The following DIAPH3 variants were observed in gnomAD, a reference collection of about 807,000 sequenced individuals.
The protein encoded by DIAPH3 is diaphanous related formin 3, also known as protein diaphanous homolog 3.
DIAPH3 carries 117 observed loss-of-function variants against 144.3 expected under a neutral mutation model. That is an observed-to-expected ratio of 0.81 (90% CI 0.70 to 0.95). The LOEUF (loss-of-function observed/expected upper bound fraction) is 0.95. Ranked by LOEUF, DIAPH3 falls within the 40% of genes least tolerant of loss-of-function variation. The probability of loss-of-function intolerance (pLI) is 0.00; values close to 1 mark genes in which losing one functional copy is unlikely to be tolerated. For missense variants in DIAPH3, 1,421 were observed against 1,412.7 expected, an observed-to-expected ratio of 1.01 and a Z score of -0.09; for synonymous variants, 519 against 488.9, an observed-to-expected ratio of 1.06 and a Z score of -0.81.
At chr13:59,996,755 C>A (rs1348913516) in intron 9 of DIAPH3, among the ~76,000 whole-genome samples, 2 of 151,946 alleles carry the variant, frequency 1.3e-5, no homozygotes, top group African/African-American at 4.8e-5. Flanking sequence ...GAGTCAAAGG[C>A]CATCTTAAGA....
chr13:60,087,684 C>T (rs1159502402), intron 4 of DIAPH3, among the ~76,000 whole-genome samples: 1 of 151,710 alleles, frequency 6.6e-6, no homozygotes, highest in Non-Finnish European at 1.5e-5. Flanking sequence ...CAGAATAGCC[C>T]TTACATTCAG....
At chr13:59,667,657 G>A (rs370698945) in intron 27 of DIAPH3, among the ~76,000 whole-genome samples, 16 of 152,280 alleles carry the variant, frequency 1.1e-4, no homozygotes, top group African/African-American at 3.4e-4. Context: ...ATACATGCAT[G>A]TACATATATA....
At chr13:59,753,044 T>A (rs1286276227) in intron 27 of DIAPH3, among the ~76,000 whole-genome samples, 1 of 152,228 alleles carries the variant, frequency 6.6e-6, no homozygotes. Flanking sequence ...CTGGCAGAAA[T>A]GATTCTGCTT....
intron 12 of DIAPH3, among the ~76,000 whole-genome samples, chr13:59,987,267 C>T (rs1223948563): frequency 1.4e-4 from 21 of 149,754 alleles, no homozygotes; most frequent in African/African-American, 3.7e-4. Flanking sequence ...TAGGTGGGAA[C>T]TGAACAATGA....
chr13:59,669,006 C>T (rs896985882), intron 27 of DIAPH3, among the ~76,000 whole-genome samples: 6 of 152,000 alleles, frequency 3.9e-5, no homozygotes, highest in African/African-American at 1.5e-4. Context: ...CTGAGTAAAT[C>T]GGTGGTAGAC....
chr13:59,885,275 C>T (rs528452092), intron 20 of DIAPH3, among the ~76,000 whole-genome samples: 1 of 152,036 alleles, frequency 6.6e-6, no homozygotes, highest in South Asian at 2.1e-4. Flanking sequence ...GGCATAAACC[C>T]CAGAATCATA....
At chr13:59,966,359 G>A (rs771149107) in intron 17 of DIAPH3, among the ~76,000 whole-genome samples, 1 of 152,124 alleles carries the variant, frequency 6.6e-6, no homozygotes, top group Admixed American at 6.5e-5. Flanking sequence ...ATATGTAAAT[G>A]TAGGTAGGGT....
At chr13:59,903,680 A>AT (rs1269592962) in intron 20 of DIAPH3, among the ~76,000 whole-genome samples, 1 of 152,082 alleles carries the variant, frequency 6.6e-6, no homozygotes, top group Non-Finnish European at 1.5e-5. Flanking sequence ...GAATTAACCC[A>AT]TTTTCACTCA....
At chr13:59,674,067 T>C (rs2032517488) in intron 27 of DIAPH3, among the ~76,000 whole-genome samples, 1 of 152,204 alleles carries the variant, frequency 6.6e-6, no homozygotes, top group African/African-American at 2.4e-5. Flanking sequence ...TTGCAGCTGG[T>C]ACTGAAGTGA....
intron 4 of DIAPH3, among the ~76,000 whole-genome samples, chr13:60,084,088 C>A (rs1210701389): frequency 6.6e-6 from 1 of 151,912 alleles, no homozygotes; most frequent in Non-Finnish European, 1.5e-5. Flanking sequence ...TCCGCAGAGG[C>A]ACTTTTGAGT....
intron 25 of DIAPH3, among the ~76,000 whole-genome samples, chr13:59,798,149 T>C (rs1370196693): frequency 6.6e-6 from 1 of 152,160 alleles, no homozygotes; most frequent in Non-Finnish European, 1.5e-5. Context: ...ATCCATCCTG[T>C]CTTCTCTTTT....
chr13:59,991,629 G>A (rs2051818722), intron 11 of DIAPH3, among the ~76,000 whole-genome samples: 1 of 151,900 alleles, frequency 6.6e-6, no homozygotes, highest in Admixed American at 6.6e-5. Context: ...CCATGAAGAA[G>A]CCCCAGGTGA....
At chr13:59,683,797 C>T (rs772661201) in intron 27 of DIAPH3, among the ~76,000 whole-genome samples, 8 of 152,124 alleles carry the variant, frequency 5.3e-5, no homozygotes, top group Non-Finnish European at 1.0e-4. Context: ...CAATGCTATA[C>T]TAAAGAGGAA....
chr13:60,158,601 G>A (rs527836734), intron 1 of DIAPH3, among the ~76,000 whole-genome samples: 1 of 152,276 alleles, frequency 6.6e-6, no homozygotes, highest in South Asian at 2.1e-4. Flanking sequence ...ACAGGCCCAG[G>A]CAGAGGTTGC....
chr13:60,046,887 C>T (rs1202897886), intron 4 of DIAPH3, among the ~76,000 whole-genome samples: 1 of 152,072 alleles, frequency 6.6e-6, no homozygotes, highest in Non-Finnish European at 1.5e-5. Context: ...GAAAACCAAA[C>T]ACCACATGTT....
chr13:59,811,012 G>C, intron 24 of DIAPH3, 89 bp from the exon 25 acceptor site: 1 of 1,219,298 alleles, frequency 8.2e-7, no homozygotes, highest in Admixed American at 2.2e-5. Flanking sequence ...GCTTAAGGTA[G>C]AAACATGATT....
chr13:59,784,011 T>C (rs1440165935), intron 25 of DIAPH3, among the ~76,000 whole-genome samples: 1 of 152,232 alleles, frequency 6.6e-6, no homozygotes, highest in African/African-American at 2.4e-5. Flanking sequence ...TGTGTGCTTT[T>C]ATAGCTCCTT....
chr13:59,691,225 T>G (rs2033500622), intron 27 of DIAPH3, among the ~76,000 whole-genome samples: 2 of 152,160 alleles, frequency 1.3e-5, no homozygotes, highest in African/African-American at 4.8e-5. Context: ...TCTTTTTGGA[T>G]TTTCCAAAGG....
intron 22 of DIAPH3, among the ~76,000 whole-genome samples, chr13:59,845,369 A>T (rs2042575267): frequency 6.6e-6 from 1 of 151,924 alleles, no homozygotes; most frequent in Admixed American, 6.6e-5. Flanking sequence ...GTCATAGGGA[A>T]CCCTTTTGTC....
Sources: gnomAD v4.1 joint callset for allele counts (sites outside exome capture counted in the v4.1 genomes callset) on GRCh38, gnomAD v4.1.1 for gene constraint, MANE v1.5 for transcripts, NCBI Gene and HGNC (gene_info 2026-07-23, HGNC 2026-07-21) for gene names.